FRK: variants seen among roughly 807,000 people sequenced by gnomAD.
The protein encoded by FRK is fyn related Src family tyrosine kinase, also known as tyrosine-protein kinase FRK.
A neutral mutation model predicts 56.4 loss-of-function variants in FRK; 51 were observed. That is an observed-to-expected ratio of 0.90 (90% CI 0.72 to 1.14). The LOEUF (loss-of-function observed/expected upper bound fraction) is 1.14, where lower values mean the gene tolerates loss of function less well. FRK is among the 50% of genes most tolerant of loss of function. FRK has a pLI of 0.00. For synonymous variants in FRK, 245 were observed against 217.9 expected (o/e 1.12, Z -1.10); for missense variants, 570 against 601.4 (o/e 0.95, Z 0.55).
At chr6:115,973,139 T>G (rs1161830286) in intron 2 of FRK, among the ~76,000 whole-genome samples, 11 of 152,202 alleles carry the variant, frequency 7.2e-5, no homozygotes, top group Non-Finnish European at 2.9e-5. Context: ...AACACATCCT[T>G]GCACTCTGAT....
intron 1 of FRK, among the ~76,000 whole-genome samples, chr6:116,009,540 A>G (rs1048425869): frequency 2.6e-5 from 4 of 152,114 alleles, no homozygotes; most frequent in African/African-American, 9.7e-5. Context: ...TACCACAACT[A>G]CTCACACACA....
chr6:116,063,420 C>A (rs1384258779), upstream of FRK, among the ~76,000 whole-genome samples: 2 of 151,612 alleles, frequency 1.3e-5, no homozygotes, highest in African/African-American at 2.4e-5. Context: ...CATGAATGAA[C>A]CTGAAGGACT....
chr6:116,053,760 A>G (rs1442724056), intron 1 of FRK, among the ~76,000 whole-genome samples: 1 of 152,150 alleles, frequency 6.6e-6, no homozygotes, highest in Non-Finnish European at 1.5e-5. Flanking sequence ...TACTTTTACT[A>G]AAGAGTGATT....
intron 5 of FRK, among the ~76,000 whole-genome samples, chr6:115,951,255 T>A (rs1479430255): frequency 5.3e-5 from 8 of 152,184 alleles, no homozygotes; most frequent in Admixed American, 6.5e-5. Flanking sequence ...GGTACTACAG[T>A]GTTTTTTAAA....
At chr6:116,006,526 G>A (rs558979786) in intron 1 of FRK, among the ~76,000 whole-genome samples, 1 of 152,296 alleles carries the variant, frequency 6.6e-6, no homozygotes, top group East Asian at 1.9e-4. Context: ...ACTACATGCT[G>A]TATGAGCTCA....
At chr6:116,099,682 C>A in the FRK span, among the ~76,000 whole-genome samples, 1 of 152,200 alleles carries the variant, frequency 6.6e-6, no homozygotes, top group African/African-American at 2.4e-5. Flanking sequence ...TAAGTGTCCT[C>A]CTACTCAATT....
chr6:116,034,978 A>G (rs1776416669), intron 1 of FRK, among the ~76,000 whole-genome samples: 1 of 152,110 alleles, frequency 6.6e-6, no homozygotes, highest in East Asian at 1.9e-4. Flanking sequence ...TAAGATTGCC[A>G]TATGTTGAGA....
intron 1 of FRK, 83 bp downstream of exon 1, chr6:116,059,885 G>A (rs1430057575): frequency 8.5e-7 from 1 of 1,171,686 alleles, no homozygotes; most frequent in East Asian, 2.3e-5. Context: ...TGGACATTAG[G>A]GGGTTGTAGA....
chr6:115,980,495 G>A (rs1774159972), intron 2 of FRK, among the ~76,000 whole-genome samples: 1 of 152,130 alleles, frequency 6.6e-6, no homozygotes, highest in African/African-American at 2.4e-5. Flanking sequence ...AACCATAATT[G>A]TATATGGGCA....
intron 1 of FRK, among the ~76,000 whole-genome samples, chr6:116,035,524 A>G (rs2114772921): frequency 6.6e-6 from 1 of 152,216 alleles, no homozygotes; most frequent in Non-Finnish European, 1.5e-5. Flanking sequence ...ATTGAATGAA[A>G]ATTCTGTTTC....
chr6:116,091,798 C>T, the FRK span, among the ~76,000 whole-genome samples: 2 of 152,092 alleles, frequency 1.3e-5, no homozygotes, highest in East Asian at 3.9e-4. Context: ...CATTGGTTTG[C>T]CTGGAACCAG....
intron 2 of FRK, among the ~76,000 whole-genome samples, chr6:115,974,967 G>C (rs1773940377): frequency 6.6e-6 from 1 of 152,108 alleles, no homozygotes; most frequent in Non-Finnish European, 1.5e-5. Flanking sequence ...ATAAATAGAG[G>C]TTGGCTCAGA....
At chr6:116,084,981 G>T in the FRK span, among the ~76,000 whole-genome samples, 254 of 152,270 alleles carry the variant, frequency 1.7e-3, no homozygotes, top group Non-Finnish European at 2.2e-3. Context: ...AAGGATTGTT[G>T]GGGTAGGATA....
chr6:115,960,290 A>G (rs1185944849), intron 4 of FRK, among the ~76,000 whole-genome samples: 4 of 150,926 alleles, frequency 2.7e-5, no homozygotes, highest in Non-Finnish European at 4.4e-5. Context: ...TGACGGACGC[A>G]CCTGGAAAAT....
chr6:116,060,230 C>T lies in FRK; in HGVS notation c.82G>A (p.Val28Met). ...CAAAGGGCCCCTGGATTTTCAATCACGGTTGACTTGTCTGCCTCCGTGGAC... is the reference window on the plus strand; with the variant it reads ...CAAAGGGCCCCTGGATTTTCAATCATGGTTGACTTGTCTGCCTCCGTGGAC... ...CLSTEADKST[V>M]IENPGALCSP... is the part of the protein sequence containing the mutation. The change falls in exon 1 of 8, where the codon GTG (valine) becomes ATG (methionine). Residue 28 changes from valine to methionine, a missense_variant. Physicochemically the swap from Val to Met is conservative, Grantham distance 21 (BLOSUM62 1). Coordinates refer to ENST00000606080, the MANE Select transcript of FRK (RefSeq NM_002031.3). 1.2e-6 allele frequency: 2 copies of T among 1,614,116 alleles called. No individual in the cohort carries two copies. The highest frequency in any genetic ancestry group is 1.1e-5 in the South Asian group (1 of 91,076).
the FRK span, among the ~76,000 whole-genome samples, chr6:116,082,614 G>T: frequency 5.3e-5 from 8 of 152,186 alleles, no homozygotes; most frequent in African/African-American, 1.9e-4. Context: ...AAGGAATAAA[G>T]AATGGCTCCA....
rs1772988579 is a variant in FRK at position 115,956,335 on chromosome 6, C to T, written c.958+117G>A. ...CATTCAGTGTTAAGACATTCATTCT[C>T]ACAGACATACACATAGTAAATATCC... On this transcript the variant is annotated intron_variant, in intron 5 of 7. Transcript: ENST00000606080. The T allele has an allele frequency of 8.5e-6, 5 of 589,802 alleles. No homozygotes were observed. In the South Asian group the frequency reaches 2.4e-4, roughly 29 times the overall value. 36.5% of individuals were successfully genotyped at this position (589,802 alleles called of 1,614,324 possible).
rs1331012488 is a variant in FRK at position 115,956,360 on chromosome 6, CT to C, written c.958+91del. On this transcript the variant is annotated intron_variant, in intron 5 of 7. Transcript: ENST00000606080. ...CACAGACATACACATAGTAAATATC[CT>C]TTCGGTTACAGAAGGCTTGCTAAAT... The C allele has an allele frequency of 9.1e-6, 8 of 881,902 alleles. No homozygotes were observed. In the Admixed American group the frequency reaches 9.8e-5, roughly 11 times the overall value. 54.6% of individuals were successfully genotyped at this position (881,902 alleles called of 1,614,324 possible). A position where few individuals can be genotyped will look rare whatever the true frequency, so the allele number is the denominator to read the frequency against.
intron 1 of FRK, among the ~76,000 whole-genome samples, chr6:116,012,924 G>T (rs966859909): frequency 1.3e-5 from 2 of 152,118 alleles, no homozygotes; most frequent in Non-Finnish European, 2.9e-5. Flanking sequence ...AAATGAAATT[G>T]ATTTTTCTGT....
Sources: allele counts gnomAD v4.1 joint callset (sites outside exome capture counted in the v4.1 genomes callset), GRCh38; gene constraint gnomAD v4.1.1; transcripts MANE v1.5; gene names NCBI Gene and HGNC (gene_info 2026-07-23, HGNC 2026-07-21).